AGBL4: variants seen among roughly 807,000 people sequenced by gnomAD.
AGBL4 encodes AGBL carboxypeptidase 4.
In AGBL4, 58 loss-of-function variants were observed where a neutral mutation model predicts 66.4. That is an observed-to-expected ratio of 0.87 (90% CI 0.71 to 1.09). The LOEUF (loss-of-function observed/expected upper bound fraction) is 1.09, where lower values mean the gene tolerates loss of function less well. Ranked by LOEUF, AGBL4 falls within the 50% of genes least tolerant of loss-of-function variation. The pLI, the probability that AGBL4 is intolerant of heterozygous loss-of-function variation, is 0.00. For synonymous variants in AGBL4, 234 were observed against 222.9 expected (o/e 1.05, Z -0.44); for missense variants, 579 against 631.0 (o/e 0.92, Z 0.88).
intron 2 of AGBL4, among the ~76,000 whole-genome samples, chr1:49,812,986 G>A (rs1557471729): frequency 6.6e-6 from 1 of 152,134 alleles, no homozygotes; most frequent in African/African-American, 2.4e-5. Context: ...AAGATTTAAT[G>A]AACTAAAAAG....
chr1:48,835,360 C>G (rs969426929), intron 6 of AGBL4, among the ~76,000 whole-genome samples: 4 of 152,266 alleles, frequency 2.6e-5, no homozygotes, highest in Admixed American at 1.3e-4. Flanking sequence ...GACATGAACT[C>G]TGTCCTCCTG....
intron 9 of AGBL4, among the ~76,000 whole-genome samples, chr1:48,595,706 A>C (rs1557815891): frequency 6.6e-6 from 1 of 152,222 alleles, no homozygotes; most frequent in Non-Finnish European, 1.5e-5. Context: ...TTTGCAACAT[A>C]ATTTAGTGTG....
chr1:48,744,867 G>T lies in AGBL4; in HGVS notation c.635-81626C>A, dbSNP rs1650486029. Among the ~76,000 whole-genome samples, 4 of 152,184 alleles carry T rather than the reference G, an allele frequency of 2.6e-5. No homozygotes were observed. The South Asian group carries it at 8.3e-4, about 32-fold the overall frequency. On this transcript the variant is annotated intron_variant, in intron 6 of 13. Coordinates refer to ENST00000371839, the MANE Select transcript of AGBL4 (RefSeq NM_032785.4). ...GCTCAGGTACCCCAAATGCTATGTTGTTCCAGGCCTCTGTGCTGTTTGTCT... is the reference window on the plus strand; with the variant it reads ...GCTCAGGTACCCCAAATGCTATGTTTTTCCAGGCCTCTGTGCTGTTTGTCT...
At chr1:49,791,463 G>T (rs1447137549) in intron 2 of AGBL4, among the ~76,000 whole-genome samples, 2 of 151,948 alleles carry the variant, frequency 1.3e-5, no homozygotes, top group Non-Finnish European at 2.9e-5. Flanking sequence ...CCCAAAATCA[G>T]GTCATTTCAG....
chr1:49,921,509 T>C (rs2148240913), intron 1 of AGBL4, among the ~76,000 whole-genome samples: 1 of 152,134 alleles, frequency 6.6e-6, no homozygotes, highest in South Asian at 2.1e-4. Context: ...GCTCACACGA[T>C]CACAAGGCAA....
chr1:48,838,329 C>A (rs941418413), intron 6 of AGBL4, among the ~76,000 whole-genome samples: 4 of 152,048 alleles, frequency 2.6e-5, no homozygotes, highest in African/African-American at 9.7e-5. Flanking sequence ...ATGATACTAG[C>A]ATAAAAACAG....
At chr1:49,150,235 G>C (rs749308355) in intron 4 of AGBL4, among the ~76,000 whole-genome samples, 1 of 152,116 alleles carries the variant, frequency 6.6e-6, no homozygotes, top group African/African-American at 2.4e-5. Flanking sequence ...TCTGAGGACT[G>C]CTTGGTACAT....
intron 5 of AGBL4, among the ~76,000 whole-genome samples, chr1:48,931,961 A>C (rs570154183): frequency 6.6e-6 from 1 of 152,186 alleles, no homozygotes; most frequent in South Asian, 2.1e-4. Context: ...AAATCAGCCC[A>C]TCCTTCCCAG....
chr1:49,050,116 C>G (rs12410172), intron 4 of AGBL4, among the ~76,000 whole-genome samples: 66,278 of 151,820 alleles, frequency 0.44, 16,902 homozygotes, highest in Non-Finnish European at 0.58. Context: ...GTAGTGTGTG[C>G]TTTCAAGACC....
intron 5 of AGBL4, among the ~76,000 whole-genome samples, chr1:48,983,391 G>T (rs1659929468): frequency 6.6e-6 from 1 of 152,156 alleles, no homozygotes; most frequent in Non-Finnish European, 1.5e-5. Flanking sequence ...ACAAGGACAA[G>T]GAGTTTCTGG....
At chr1:48,846,906 G>A (rs1056704918) in intron 6 of AGBL4, among the ~76,000 whole-genome samples, 2 of 151,956 alleles carry the variant, frequency 1.3e-5, no homozygotes, top group African/African-American at 4.8e-5. Flanking sequence ...ACCTTAATGA[G>A]AGCATTGATT....
intron 3 of AGBL4, among the ~76,000 whole-genome samples, chr1:49,670,548 AT>A (rs1646456680): frequency 6.6e-6 from 1 of 152,208 alleles, no homozygotes; most frequent in Non-Finnish European, 1.5e-5. Flanking sequence ...CTTGCCACAT[AT>A]CCCTGGCTAT....
At position 49,129,775 on chromosome 1, in the gene AGBL4, C is replaced by T. The variant is rs868126949; in HGVS notation, c.378-83975G>A. Among the ~76,000 whole-genome samples, 260 of 152,182 alleles carry T rather than the reference C, an allele frequency of 1.7e-3. 1 individual carries two copies. The South Asian group carries it at 0.017, about 10-fold the overall frequency. ...TGTGAATAGTGCCACAATAAACATA[C>T]GTGTGCATGTGTCTTTATAGCAGCA... On this transcript the variant is annotated intron_variant, in intron 4 of 13. Transcript: ENST00000371839.
chr1:49,269,756 G>A (rs1043512321), intron 3 of AGBL4, among the ~76,000 whole-genome samples: 3 of 152,134 alleles, frequency 2.0e-5, no homozygotes, highest in African/African-American at 7.2e-5. Context: ...CCCATTGGGG[G>A]TTAGGGTAAT....
At chr1:49,988,503 A>G (rs574157931) in intron 1 of AGBL4, among the ~76,000 whole-genome samples, 1 of 152,190 alleles carries the variant, frequency 6.6e-6, no homozygotes, top group Non-Finnish European at 1.5e-5. Flanking sequence ...TGTTTCCAGC[A>G]AAATGAAAAT....
chr1:48,663,048 C>T (rs320007), intron 7 of AGBL4, 104 bp downstream of exon 7: 570,056 of 1,036,696 alleles, frequency 0.55, 161,307 homozygotes, highest in Middle Eastern at 0.62. Flanking sequence ...CATTAAATTT[C>T]CATTTAAGAT....
At chr1:49,442,071 T>C (rs551690501) in intron 3 of AGBL4, among the ~76,000 whole-genome samples, 1 of 152,264 alleles carries the variant, frequency 6.6e-6, no homozygotes, top group African/African-American at 2.4e-5. Context: ...TTTACTATAA[T>C]GGATCCAGTA....
intron 3 of AGBL4, among the ~76,000 whole-genome samples, chr1:49,638,484 C>T (rs1027929489): frequency 2.6e-5 from 4 of 152,092 alleles, no homozygotes; most frequent in South Asian, 2.1e-4. Context: ...TCAAGAAGTA[C>T]GGATATAGTT....
At chr1:49,552,378 G>C (rs565209145) in intron 3 of AGBL4, among the ~76,000 whole-genome samples, 1 of 152,276 alleles carries the variant, frequency 6.6e-6, no homozygotes, top group African/African-American at 2.4e-5. Flanking sequence ...TCTCCCTGTG[G>C]TGTTTGCCCC....
Sources: allele counts gnomAD v4.1 joint callset (sites outside exome capture counted in the v4.1 genomes callset), GRCh38; gene constraint gnomAD v4.1.1; transcripts MANE v1.5; gene names NCBI Gene and HGNC (gene_info 2026-07-23, HGNC 2026-07-21).